COL22A1: variants seen among roughly 807,000 people sequenced by gnomAD.
The protein encoded by COL22A1 is collagen type XXII alpha 1 chain.
Under a neutral mutation model 248.9 loss-of-function variants are expected in COL22A1, and 221 were observed. The ratio of observed to expected loss-of-function variants is 0.89; its 90% confidence interval spans 0.80 to 0.99. The LOEUF (loss-of-function observed/expected upper bound fraction) is 0.99, where lower values mean the gene tolerates loss of function less well. COL22A1 is among the 50% of genes least tolerant of loss of function. The probability of loss-of-function intolerance (pLI) is 0.00; values close to 1 mark genes in which losing one functional copy is unlikely to be tolerated. For synonymous variants in COL22A1, 891 were observed against 793.4 expected, an observed-to-expected ratio of 1.12 and a Z score of -2.07; for missense variants, 2,240 against 2,179.0, an observed-to-expected ratio of 1.03 and a Z score of -0.56.
chr8:138,635,062 C>T lies in COL22A1; in HGVS notation c.3557G>A (p.Gly1186Asp). 2 of 1,607,008 alleles carry T rather than the reference C, an allele frequency of 1.2e-6. No homozygotes were observed. Among genetic ancestry groups the T allele is most frequent in the Non-Finnish European group, 1.7e-6 (2 of 1,176,168 alleles). Residue 1186 changes from glycine to aspartate, a missense_variant and splice_region_variant, in exon 49 of 65, where the codon GGT (glycine) becomes GAT (aspartate). Physicochemically the swap from Gly to Asp is moderately conservative, Grantham distance 94 (BLOSUM62 -1). Transcript: ENST00000303045. Reference sequence around the variant, plus strand: ...CATGAAACCTGGAACTCCAGGATGACCCTAGGAAAACACAAGATGCAATTC... The same window carrying T: ...CATGAAACCTGGAACTCCAGGATGATCCTAGGAAAACACAAGATGCAATTC... ...DGEVGQKGDQ[G>D]HPGVPGFMGP...
intron 7 of COL22A1, among the ~76,000 whole-genome samples, chr8:138,819,640 A>G (rs914454305): frequency 1.4e-5 from 2 of 148,120 alleles, no homozygotes; most frequent in Non-Finnish European, 3.0e-5. Context: ...ATATAATTAT[A>G]TAGATATAAA....
intron 9 of COL22A1, among the ~76,000 whole-genome samples, chr8:138,809,503 TTTC>T (rs1428546629): frequency 1.4e-5 from 2 of 147,440 alleles, no homozygotes; most frequent in Admixed American, 6.8e-5. Context: ...TGTATTTCTT[TTTC>T]TTCTTCTCTT....
At chr8:138,651,097 G>T (rs1822691420) in intron 45 of COL22A1, among the ~76,000 whole-genome samples, 1 of 152,052 alleles carries the variant, frequency 6.6e-6, no homozygotes, top group African/African-American at 2.4e-5. Flanking sequence ...TCTCTGAATG[G>T]CCCACCTTCC....
chr8:138,868,198 C>T lies in COL22A1; in HGVS notation c.658+9552G>A, dbSNP rs78029828. ...GATGATGTTATGCAGTCATGGCCTC[C>T]GAGGAAGAGAGGACCAGATTCCAAT... On this transcript the variant is annotated intron_variant, in intron 3 of 64. Coordinates refer to ENST00000303045, the MANE Select transcript of COL22A1 (RefSeq NM_152888.3). Among the ~76,000 whole-genome samples, 916 of 152,282 alleles carry T rather than the reference C, an allele frequency of 6.0e-3. 5 individuals carry two copies. The highest frequency in any genetic ancestry group is 0.021 in the African/African-American group (883 of 41,560).
At chr8:138,860,413 A>G (rs1822365007) in intron 3 of COL22A1, among the ~76,000 whole-genome samples, 1 of 152,104 alleles carries the variant, frequency 6.6e-6, no homozygotes. Flanking sequence ...ACCTCCTCAA[A>G]TTGTGCATCT....
chr8:138,716,187 C>T lies in COL22A1; in HGVS notation c.2463+40G>A, dbSNP rs545942848. On this transcript the variant is annotated intron_variant, in intron 29 of 64. Coordinates refer to ENST00000303045, the MANE Select transcript of COL22A1 (RefSeq NM_152888.3). ...GGGGGCTGCTCTCTGTGGAGATGGGCGAGGTTCCTGTGTGGGAGGAAGGAA... is the reference window on the plus strand; with the variant it reads ...GGGGGCTGCTCTCTGTGGAGATGGGTGAGGTTCCTGTGTGGGAGGAAGGAA... 9.0e-5 allele frequency: 136 copies of T among 1,508,086 alleles called. 1 individual carries two copies. Among genetic ancestry groups the T allele is most frequent in the South Asian group, 6.6e-4 (55 of 83,096 alleles). The allele number at this position is 1,508,086 out of a possible 1,614,324, so 93.4% of individuals were successfully genotyped here. A position where few individuals can be genotyped will look rare whatever the true frequency, so the allele number is the denominator to read the frequency against.
At chr8:138,711,862 C>CCTAG (rs1829000366) in intron 30 of COL22A1, among the ~76,000 whole-genome samples, 1 of 152,168 alleles carries the variant, frequency 6.6e-6, no homozygotes, top group South Asian at 2.1e-4. Context: ...CCAGGGCAGG[C>CCTAG]CTAGCGTGTG....
At chr8:138,787,825 G>A (rs1815673350) in intron 12 of COL22A1, among the ~76,000 whole-genome samples, 1 of 152,120 alleles carries the variant, frequency 6.6e-6, no homozygotes. Flanking sequence ...GGAGGCATAT[G>A]GGGAGGGGGG....
intron 1 of COL22A1, among the ~76,000 whole-genome samples, chr8:138,890,811 G>A (rs1028494080): frequency 9.2e-5 from 14 of 151,706 alleles, no homozygotes; most frequent in East Asian, 5.8e-4. Flanking sequence ...TCAGGAGTTC[G>A]AGACCAGCAT....
At chr8:138,706,979 C>A (rs1828515804) in intron 30 of COL22A1, among the ~76,000 whole-genome samples, 1 of 152,162 alleles carries the variant, frequency 6.6e-6, no homozygotes, top group African/African-American at 2.4e-5. Context: ...CACAGAAATA[C>A]AAACTACCAT....
intron 12 of COL22A1, among the ~76,000 whole-genome samples, chr8:138,787,529 A>G (rs1573833): frequency 0.93 from 141,448 of 152,282 alleles, 65,848 homozygotes; most frequent in East Asian, 1. Context: ...TTCGTATACA[A>G]AGAAATTCAA....
At chr8:138,794,044 C>T (rs1163088213) in intron 12 of COL22A1, among the ~76,000 whole-genome samples, 2 of 152,114 alleles carry the variant, frequency 1.3e-5, no homozygotes, top group Non-Finnish European at 2.9e-5. Flanking sequence ...TTCTTCATAC[C>T]CTGTGCTCGG....
At chr8:138,664,209 G>GCGCGCGCGCGCGCA (rs1440442280) in intron 41 of COL22A1, among the ~76,000 whole-genome samples, 16 of 103,154 alleles carry the variant, frequency 1.6e-4, no homozygotes, top group South Asian at 8.6e-4. Flanking sequence ...GCGCGCGCGC[G>GCGCGCGCGCGCGCA]CACACACACA....
At chr8:138,815,090 G>A (rs1026747873) in intron 7 of COL22A1, among the ~76,000 whole-genome samples, 1 of 152,196 alleles carries the variant, frequency 6.6e-6, no homozygotes, top group Non-Finnish European at 1.5e-5. Flanking sequence ...CTGTTGCCAT[G>A]TAAGATGTGA....
At chr8:138,908,698 C>G (rs936234629) in intron 1 of COL22A1, among the ~76,000 whole-genome samples, 3 of 152,146 alleles carry the variant, frequency 2.0e-5, no homozygotes, top group African/African-American at 7.2e-5. Context: ...TCACATACCG[C>G]CTGGCACCAA....
At chr8:138,771,833 C>A (rs1834391120) in intron 16 of COL22A1, among the ~76,000 whole-genome samples, 1 of 152,208 alleles carries the variant, frequency 6.6e-6, no homozygotes, top group Non-Finnish European at 1.5e-5. Flanking sequence ...CAGTGGCAGA[C>A]CTGGCCCCCC....
intron 25 of COL22A1, among the ~76,000 whole-genome samples, chr8:138,723,371 T>C (rs1468591258): frequency 6.6e-6 from 1 of 152,088 alleles, no homozygotes; most frequent in Non-Finnish European, 1.5e-5. Context: ...TTTGAGGGGA[T>C]TAAGGCTGCC....
chr8:138,901,170 CAA>C (rs35437692), intron 1 of COL22A1, among the ~76,000 whole-genome samples: 61 of 109,846 alleles, frequency 5.6e-4, no homozygotes, highest in African/African-American at 7.6e-4. Flanking sequence ...CCACTGCTTT[CAA>C]AAAAAAAAAA....
intron 3 of COL22A1, among the ~76,000 whole-genome samples, chr8:138,869,229 A>G (rs1823131356): frequency 6.6e-6 from 1 of 152,198 alleles, no homozygotes; most frequent in South Asian, 2.1e-4. Flanking sequence ...ACCTGCAGGA[A>G]TAATCCACAG....
Sources: gnomAD v4.1 joint callset for allele counts (sites outside exome capture counted in the v4.1 genomes callset) on GRCh38, gnomAD v4.1.1 for gene constraint, MANE v1.5 for transcripts, NCBI Gene and HGNC (gene_info 2026-07-23, HGNC 2026-07-21) for gene names.